The following RYR3 variants were observed in gnomAD, a reference collection of about 807,000 sequenced individuals.
RYR3 encodes the protein ryanodine receptor 3.
A neutral mutation model predicts 584.3 loss-of-function variants in RYR3; 207 were observed. That is an observed-to-expected ratio of 0.35 (90% CI 0.32 to 0.40). RYR3 has a LOEUF of 0.40. Among genes scored for constraint, RYR3 ranks in the 10% least tolerant of loss-of-function variants. The pLI is 1.00. For synonymous variants in RYR3, 2,416 were observed against 2,248.5 expected, an observed-to-expected ratio of 1.07 and a Z score of -2.11; for missense variants, 5,616 against 6,089.2, an observed-to-expected ratio of 0.92 and a Z score of 2.59.
At chr15:33,439,124 T>C (rs1454075892) in intron 1 of RYR3, among the ~76,000 whole-genome samples, 3 of 152,228 alleles carry the variant, frequency 2.0e-5, no homozygotes, top group Non-Finnish European at 4.4e-5. Flanking sequence ...AATTTTGTTT[T>C]ATAATCCTTT....
At chr15:33,842,173 A>C in intron 91 of RYR3, 138 bp downstream of exon 91, 6 of 959,620 alleles carry the variant, frequency 6.3e-6, no homozygotes, top group Admixed American at 2.7e-5. Context: ...TCTTCTTCCC[A>C]TGTGTCTACC....
intron 3 of RYR3, among the ~76,000 whole-genome samples, chr15:33,512,098 C>T (rs17236140): frequency 0.29 from 44,293 of 152,042 alleles, 6,952 homozygotes; most frequent in Non-Finnish European, 0.33. Context: ...TTTAAAGCCT[C>T]TCTTGTTTGC....
intron 85 of RYR3, among the ~76,000 whole-genome samples, chr15:33,830,188 T>G (rs1284010488): frequency 6.6e-6 from 1 of 152,208 alleles, no homozygotes; most frequent in African/African-American, 2.4e-5. Context: ...ACATGCGTCT[T>G]TCATGAAAGG....
rs566330966 is a variant in RYR3, at chr15:33,850,391, AAAG to A, written c.13628+1974_13628+1976del. 1.4e-4 allele frequency: 21 copies of A among 152,176 alleles called. No individual in the cohort carries two copies. The East Asian group carries it at 2.9e-3, about 21-fold the overall frequency. 9.4% of individuals were successfully genotyped at this position (152,176 alleles called of 1,614,324 possible). A position where few individuals can be genotyped will look rare whatever the true frequency, so the allele number is the denominator to read the frequency against. On this transcript the variant is annotated intron_variant, in intron 94 of 103. Coordinates refer to ENST00000634891, the MANE Select transcript of RYR3 (RefSeq NM_001036.6). ...AGCAAGACTTCATCTCAAAAAAAAA[AAAG>A]AAGGCAGTTCAATTTCTAGCAATGT... is the stretch of plus-strand genomic sequence containing the variant.
rs2152642945 is a variant in RYR3, at chr15:33,634,735, T to A, written c.3175+2T>A. 1 of 1,613,702 alleles carries A rather than the reference T, an allele frequency of 6.2e-7. No individual in the cohort carries two copies. Among genetic ancestry groups the A allele is most frequent in the African/African-American group, 1.3e-5 (1 of 75,022 alleles). On this transcript the variant is annotated splice_donor_variant, in intron 25 of 103. Transcript: ENST00000634891. LOFTEE classifies it high-confidence loss of function. ...TTGAGCCATCAGACCAAGAACTAGG[T>A]AATGAGTTGAGAGTGTTTATTCTGG... is the stretch of plus-strand genomic sequence containing the variant.
At chr15:33,435,274 T>A (rs1053743028) in intron 1 of RYR3, among the ~76,000 whole-genome samples, 2 of 152,180 alleles carry the variant, frequency 1.3e-5, no homozygotes, top group Admixed American at 1.3e-4. Flanking sequence ...CTCTGATAAT[T>A]ATAATTTTTA....
In RYR3 at chr15:33,412,063, C is replaced by G. The variant is rs756389576; in HGVS notation, c.52-61356C>G. On this transcript the variant is annotated intron_variant, in intron 1 of 103. Coordinates refer to ENST00000634891, the MANE Select transcript of RYR3 (RefSeq NM_001036.6). This position sits in a 1 kb window ranked among gnomAD's most constrained non-coding sequence, Gnocchi z 4.3. ...TAGGTTCCCAGTGTGTCAGCCACAC[C>G]TGTTGCTGCCATTCAGTAGGCTACT... Among the ~76,000 whole-genome samples the G allele has an allele frequency of 5.9e-5, 9 of 152,108 alleles. No individual in the cohort carries two copies. Among genetic ancestry groups the G allele is most frequent in the Non-Finnish European group, 1.0e-4 (7 of 68,034 alleles).
intron 43 of RYR3, 48 bp downstream of exon 43, chr15:33,707,102 C>T (rs374164430): frequency 2.1e-5 from 34 of 1,599,862 alleles, no homozygotes; most frequent in East Asian, 9.0e-5. Context: ...ATAGCATGAT[C>T]GTGGATACCT....
chr15:33,853,647 A>G lies in RYR3; in HGVS notation c.13764A>G (p.Glu4588=). 6.2e-7 allele frequency: 1 copy of G among 1,614,000 alleles called. No individual in the cohort carries two copies. The highest frequency in any genetic ancestry group is 8.5e-7 in the Non-Finnish European group (1 of 1,179,880). Reference sequence around the variant, plus strand: ...ATGCTCTTGACTTTAGCCCAGTAGAAGAGACCAAAGCAGAAGCGGCTTCTC... The same window carrying G: ...ATGCTCTTGACTTTAGCCCAGTAGAGGAGACCAAAGCAGAAGCGGCTTCTC... ...DKNALDFSPV[E]ETKAEAASLV... Residue 4588 remains glutamate, a synonymous_variant, in exon 96 of 104, where the codon GAA becomes GAG. Coordinates refer to ENST00000634891, the MANE Select transcript of RYR3 (RefSeq NM_001036.6).
intron 57 of RYR3, among the ~76,000 whole-genome samples, chr15:33,752,160 G>A (rs1243463180): frequency 3.9e-5 from 6 of 152,188 alleles, no homozygotes; most frequent in African/African-American, 7.2e-5. Flanking sequence ...AAGTCAGGTA[G>A]CGTGATGGCT....
chr15:33,512,222 A>G (rs1196229111), intron 3 of RYR3, among the ~76,000 whole-genome samples: 1 of 152,164 alleles, frequency 6.6e-6, no homozygotes. Flanking sequence ...TTCCAGTGCT[A>G]TTATGCAACT....
intron 19 of RYR3, among the ~76,000 whole-genome samples, chr15:33,617,190 G>A (rs1256683243): frequency 1.3e-5 from 2 of 152,204 alleles, no homozygotes; most frequent in Admixed American, 6.5e-5. Flanking sequence ...TGAGGCGGGC[G>A]GATCATGAGG....
intron 93 of RYR3, chr15:33,846,932 G>C (rs1280367915): frequency 6.6e-6 from 1 of 152,224 alleles, no homozygotes; most frequent in Non-Finnish European, 1.5e-5. Context: ...ATTAGATGGA[G>C]TACAGATTAT....
At chr15:33,366,084 G>A (rs1293697853) in intron 1 of RYR3, among the ~76,000 whole-genome samples, 2 of 152,136 alleles carry the variant, frequency 1.3e-5, no homozygotes, top group Non-Finnish European at 2.9e-5. Flanking sequence ...CCTAATTAAA[G>A]AACACTGATC....
chr15:33,652,021 T>C (rs1243247536), intron 31 of RYR3, among the ~76,000 whole-genome samples: 1 of 152,154 alleles, frequency 6.6e-6, no homozygotes, highest in East Asian at 1.9e-4. Context: ...ACTTTTTCAT[T>C]ATTATAGTTT....
chr15:33,531,647 A>ATATAT (rs34666972), intron 4 of RYR3, among the ~76,000 whole-genome samples: 65 of 137,656 alleles, frequency 4.7e-4, no homozygotes, highest in African/African-American at 1.5e-3. Flanking sequence ...ATATATATAT[A>ATATAT]TTTTTTTTTC....
chr15:33,865,642 ACTCC>A lies in RYR3; in HGVS notation c.*417_*420del. Reference sequence around the variant, plus strand: ...CTTGTGACTCATAGGGTCTGAACTCACTCCAAAAGATAATAACTGCAGTCTAATT... The same window carrying A: ...CTTGTGACTCATAGGGTCTGAACTCAAAAAGATAATAACTGCAGTCTAATT... On this transcript the variant is annotated 3_prime_UTR_variant, in exon 104 of 104. Coordinates refer to ENST00000634891, the MANE Select transcript of RYR3 (RefSeq NM_001036.6). The A allele has an allele frequency of 5.0e-5, 1 of 19,884 alleles. No homozygotes were observed. The highest frequency in any genetic ancestry group is 1.5e-4 in the Non-Finnish European group (1 of 6,720). 1.2% of individuals were successfully genotyped at this position (19,884 alleles called of 1,614,324 possible).
At chr15:33,598,599 C>G (rs2059505480) in intron 16 of RYR3, among the ~76,000 whole-genome samples, 1 of 151,216 alleles carries the variant, frequency 6.6e-6, no homozygotes, top group Non-Finnish European at 1.5e-5. Context: ...GGGTCTTAGG[C>G]TATAGACTGC....
At chr15:33,814,857 C>T (rs926241308) in intron 74 of RYR3, among the ~76,000 whole-genome samples, 1 of 147,368 alleles carries the variant, frequency 6.8e-6, no homozygotes, top group Non-Finnish European at 1.5e-5. Flanking sequence ...GCTGAGATCA[C>T]GCTACTGCAC....
Sources: gnomAD v4.1 joint callset for allele counts (sites outside exome capture counted in the v4.1 genomes callset) on GRCh38, gnomAD v4.1.1 for gene constraint, Gnocchi (gnomAD v3.1) non-coding constraint, MANE v1.5 for transcripts, NCBI Gene and HGNC (gene_info 2026-07-23, HGNC 2026-07-21) for gene names.